Variants in KCTD16 observed in about 807,000 individuals in gnomAD.
KCTD16 encodes potassium channel tetramerization domain containing 16.
In KCTD16, 13 loss-of-function variants were observed where a neutral mutation model predicts 33.2. The observed-to-expected ratio is 0.39, with a 90% CI of 0.25 to 0.62. The LOEUF (loss-of-function observed/expected upper bound fraction) is 0.62, where lower values mean the gene tolerates loss of function less well. KCTD16 is among the 20% of genes least tolerant of loss of function. KCTD16 has a pLI of 0.50. For synonymous variants in KCTD16, 197 were observed against 195.3 expected (o/e 1.01, Z -0.07); for missense variants, 441 against 525.1 (o/e 0.84, Z 1.57).
At chr5:144,449,785 T>C (rs750392608) in intron 3 of KCTD16, among the ~76,000 whole-genome samples, 4 of 151,928 alleles carry the variant, frequency 2.6e-5, no homozygotes, top group Non-Finnish European at 5.9e-5. Flanking sequence ...TCTTACACCA[T>C]AGACAAAAAA....
chr5:144,197,289 A>G (rs1461888734), intron 2 of KCTD16, among the ~76,000 whole-genome samples: 1 of 152,204 alleles, frequency 6.6e-6, no homozygotes, highest in Non-Finnish European at 1.5e-5. Context: ...ATTCTGGAAC[A>G]TAAACATATA....
chr5:144,441,862 A>G (rs1355213937), intron 3 of KCTD16, among the ~76,000 whole-genome samples: 1 of 151,894 alleles, frequency 6.6e-6, no homozygotes, highest in Non-Finnish European at 1.5e-5. Flanking sequence ...TTCTGCAAAA[A>G]AAAAAAAAAA....
intron 3 of KCTD16, among the ~76,000 whole-genome samples, chr5:144,473,402 T>G (rs868112979): frequency 3.9e-5 from 6 of 152,222 alleles, no homozygotes; most frequent in African/African-American, 1.2e-4. Flanking sequence ...TGGGTATTTC[T>G]GACTCCCGTG....
intron 3 of KCTD16, among the ~76,000 whole-genome samples, chr5:144,465,356 A>T (rs1334491107): frequency 6.6e-6 from 1 of 152,034 alleles, no homozygotes; most frequent in Admixed American, 6.6e-5. Flanking sequence ...TCCTTTTCCC[A>T]GATGATAGAC....
intron 3 of KCTD16, among the ~76,000 whole-genome samples, chr5:144,470,526 A>C (rs891432337): frequency 6.6e-6 from 1 of 152,164 alleles, no homozygotes; most frequent in Non-Finnish European, 1.5e-5. Flanking sequence ...TTTTGGTTTA[A>C]TATAATACAT....
intron 3 of KCTD16, among the ~76,000 whole-genome samples, chr5:144,341,236 G>C (rs1279194319): frequency 1.3e-5 from 2 of 152,080 alleles, no homozygotes; most frequent in Non-Finnish European, 2.9e-5. Context: ...ATGACTAAAC[G>C]GCTTCTGTGA....
intron 3 of KCTD16, among the ~76,000 whole-genome samples, chr5:144,302,502 T>C (rs1446789381): frequency 6.6e-6 from 1 of 152,200 alleles, no homozygotes; most frequent in Non-Finnish European, 1.5e-5. Flanking sequence ...ACTTCAAGTA[T>C]GATTGCTTTT....
intron 3 of KCTD16, among the ~76,000 whole-genome samples, chr5:144,391,579 C>T (rs995722571): frequency 1.3e-5 from 2 of 152,170 alleles, no homozygotes; most frequent in African/African-American, 2.4e-5. Flanking sequence ...CTCTAATTCA[C>T]CTTCCAGCTT....
chr5:144,356,820 C>T (rs1438367440), intron 3 of KCTD16, among the ~76,000 whole-genome samples: 1 of 152,086 alleles, frequency 6.6e-6, no homozygotes, highest in Non-Finnish European at 1.5e-5. Context: ...CCCTTCCTTT[C>T]CTTCCTTTTC....
At position 144,479,299 on chromosome 5, in the gene KCTD16, A is replaced by G. The variant is rs915261963; in HGVS notation, c.*5185A>G. 2 of 150,602 alleles carry G rather than the reference A, an allele frequency of 1.3e-5. No individual in the cohort carries two copies. The highest frequency in any genetic ancestry group is 3.0e-5 in the Non-Finnish European group (2 of 67,514). The allele number at this position is 150,602 out of a possible 1,614,324, so 9.3% of individuals were successfully genotyped here. ...ATCAGGACTATGAAGCTCTCAGATA[A>G]TTGAAGATCCTGAACCCTGACATTA... On this transcript the variant is annotated 3_prime_UTR_variant, in exon 4 of 4. Transcript: ENST00000512467.
chr5:144,360,480 G>A (rs565616815), intron 3 of KCTD16, among the ~76,000 whole-genome samples: 7 of 151,186 alleles, frequency 4.6e-5, no homozygotes, highest in African/African-American at 1.7e-4. Context: ...TGCCCAGGCT[G>A]GAGTGCAGTG....
intron 3 of KCTD16, among the ~76,000 whole-genome samples, chr5:144,299,096 GTATATATATA>G (rs1175664862): frequency 0.018 from 187 of 10,678 alleles, 5 homozygotes; most frequent in South Asian, 0.057. Flanking sequence ...ATATCACTAT[GTATATATATA>G]TATATATATA....
chr5:144,331,664 A>C (rs752081947), intron 3 of KCTD16, among the ~76,000 whole-genome samples: 4 of 152,136 alleles, frequency 2.6e-5, no homozygotes, highest in African/African-American at 9.7e-5. Context: ...TGTTACTGTC[A>C]CTCACCAATG....
At chr5:144,183,164 A>G (rs1350025235) in intron 2 of KCTD16, among the ~76,000 whole-genome samples, 1 of 152,184 alleles carries the variant, frequency 6.6e-6, no homozygotes, top group Non-Finnish European at 1.5e-5. Flanking sequence ...TATTGAATCT[A>G]CTTATTGGTG....
intron 3 of KCTD16, among the ~76,000 whole-genome samples, chr5:144,291,758 A>G (rs1261770760): frequency 6.6e-6 from 1 of 152,216 alleles, no homozygotes; most frequent in Non-Finnish European, 1.5e-5. Context: ...AAAAAATTGC[A>G]TCTTTCTTGT....
At chr5:144,409,437 C>T (rs1752883084) in intron 3 of KCTD16, among the ~76,000 whole-genome samples, 1 of 152,062 alleles carries the variant, frequency 6.6e-6, no homozygotes, top group South Asian at 2.1e-4. Flanking sequence ...CTTGTGTTAT[C>T]CATCACTCAT....
chr5:144,290,562 C>G (rs539482977), intron 3 of KCTD16, among the ~76,000 whole-genome samples: 1 of 152,274 alleles, frequency 6.6e-6, no homozygotes, highest in South Asian at 2.1e-4. Flanking sequence ...AGGCAGTTTC[C>G]ATAATGACTT....
intron 3 of KCTD16, among the ~76,000 whole-genome samples, chr5:144,310,011 G>T (rs1458353859): frequency 6.7e-6 from 1 of 148,530 alleles, no homozygotes; most frequent in Non-Finnish European, 1.5e-5. Flanking sequence ...ACTATGTTTT[G>T]TTTTAAGCCA....
chr5:144,273,771 G>A (rs1468304707), intron 3 of KCTD16, among the ~76,000 whole-genome samples: 1 of 151,544 alleles, frequency 6.6e-6, no homozygotes, highest in African/African-American at 2.4e-5. Flanking sequence ...GTCAGGGGCT[G>A]GGGGGAGGGG....
Sources: gnomAD v4.1 joint callset for allele counts (sites outside exome capture counted in the v4.1 genomes callset) on GRCh38, gnomAD v4.1.1 for gene constraint, MANE v1.5 for transcripts, NCBI Gene and HGNC (gene_info 2026-07-23, HGNC 2026-07-21) for gene names.